The following ACE variants were observed in gnomAD, a reference collection of about 807,000 sequenced individuals.
ACE encodes the protein angiotensin-converting enzyme.
Under a neutral mutation model 162.3 loss-of-function variants are expected in ACE, and 122 were observed. The observed-to-expected ratio is 0.75, with a 90% CI of 0.65 to 0.87. ACE has a LOEUF of 0.87. ACE is among the 40% of genes least tolerant of loss of function. ACE has a pLI of 0.00. For missense variants in ACE, 1,799 were observed against 1,735.1 expected (o/e 1.04, Z -0.65); for synonymous variants, 796 against 720.6 (o/e 1.10, Z -1.68).
chr17:63,477,126 GGCTGCTGCTGCC>G lies in ACE; in HGVS notation c.38_49del (p.Leu13_Leu16del), dbSNP rs751352152. On this transcript the variant is annotated inframe_deletion, in exon 1 of 25. Coordinates refer to ENST00000290866, the MANE Select transcript of ACE (RefSeq NM_000789.4). Reference sequence around the variant, plus strand: ...GCCGCCTCGGGCCGCCGGGGGCCGGGGCTGCTGCTGCCGCTGCCGCTGCTGTTGCTGCTGCCG... The same window carrying G: ...GCCGCCTCGGGCCGCCGGGGGCCGGGGCTGCCGCTGCTGTTGCTGCTGCCG... The G allele has an allele frequency of 1.1e-5, 16 of 1,402,100 alleles. No homozygotes were observed. In the Middle Eastern group the frequency reaches 1.3e-3, roughly 112 times the overall value. The allele number at this position is 1,402,100 out of a possible 1,614,324, so 86.9% of individuals were successfully genotyped here.
At chr17:63,483,215 C>T (rs771984234) in intron 9 of ACE, 42 bp downstream of exon 9, 5 of 1,611,890 alleles carry the variant, frequency 3.1e-6, no homozygotes, top group Non-Finnish European at 4.2e-6. Context: ...AGCTAGCCCT[C>T]CCCAGCCTCC....
At chr17:63,479,936 G>A (rs781614756) in intron 4 of ACE, 24 bp downstream of exon 4, 1 of 1,597,108 alleles carries the variant, frequency 6.3e-7, no homozygotes, top group Non-Finnish European at 8.5e-7. Context: ...TCCCTGTCCA[G>A]GAACCACGCC....
intron 23 of ACE, 97 bp downstream of exon 23, chr17:63,496,613 C>G: frequency 6.2e-7 from 1 of 1,606,466 alleles, no homozygotes; most frequent in Non-Finnish European, 8.5e-7. Flanking sequence ...GAACACTTGC[C>G]ATTTTGAGCC....
At position 63,482,356 on chromosome 17, in the gene ACE, G is replaced by C. The variant is rs556460733; in HGVS notation, c.1119-110G>C. 5 of 963,060 alleles carry C rather than the reference G, an allele frequency of 5.2e-6. No homozygotes were observed. The African/African-American group carries it at 8.1e-5, about 16-fold the overall frequency. 59.7% of individuals were successfully genotyped at this position (963,060 alleles called of 1,614,324 possible). A position where few individuals can be genotyped will look rare whatever the true frequency, so the allele number is the denominator to read the frequency against. ...GTTTCTACTGCGGCTTCATGCCCCA[G>C]GGCAGCTCCCTCCTCATTCCTGTCT... is the stretch of plus-strand genomic sequence containing the variant. On this transcript the variant is annotated intron_variant, in intron 7 of 24. Coordinates refer to ENST00000290866, the MANE Select transcript of ACE (RefSeq NM_000789.4).
chr17:63,484,041 G>T lies in ACE; in HGVS notation c.1709+70G>T. On this transcript the variant is annotated intron_variant, in intron 11 of 24. Coordinates refer to ENST00000290866, the MANE Select transcript of ACE (RefSeq NM_000789.4). The surrounding 1 kb of genome is among the most constrained non-coding windows in gnomAD (Gnocchi z 4.0). ...GCTGGCAAAGGGTGTGGCAGGAGGTGTCTGGCTGCTCTGATGGGGTGGGGG... is the reference window on the plus strand; with the variant it reads ...GCTGGCAAAGGGTGTGGCAGGAGGTTTCTGGCTGCTCTGATGGGGTGGGGG... 6.5e-7 allele frequency: 1 copy of T among 1,545,874 alleles called. No homozygotes were observed. Among genetic ancestry groups the T allele is most frequent in the Non-Finnish European group, 8.7e-7 (1 of 1,148,942 alleles).
rs375631324 is a variant in ACE at position 63,483,123 on chromosome 17, T to C, written c.1437T>C (p.Phe479=). 15 of 1,614,134 alleles carry C rather than the reference T, an allele frequency of 9.3e-6. No individual in the cohort carries two copies. The highest frequency in any genetic ancestry group is 1.6e-4 in the Middle Eastern group (1 of 6,062). ...YLVDQWRWGV[F]SGRTPPSRYN... is the part of the protein sequence containing the mutation. ...TGGACCAGTGGCGCTGGGGGGTCTT[T>C]AGTGGGCGTACCCCCCCTTCCCGCT... Residue 479 remains phenylalanine (F), a synonymous_variant, in exon 9 of 25, where the codon TTT becomes TTC. Coordinates refer to ENST00000290866, the MANE Select transcript of ACE (RefSeq NM_000789.4).
chr17:63,494,022 A>G lies in ACE; in HGVS notation c.3237A>G (p.Gly1079=). 6.2e-7 allele frequency: 1 copy of G among 1,614,098 alleles called. No individual in the cohort carries two copies. The highest frequency in any genetic ancestry group is 1.1e-5 in the South Asian group (1 of 91,078). The stretch of plus-strand genomic sequence containing the variant: ...AGTGGCGCTGGAGGGTATTTGATGG[A>G]AGCATCACCAAGGAGAACTATAACC... ...VDQWRWRVFD[G]SITKENYNQE... The change falls in exon 21 of 25, where the codon GGA becomes GGG. Residue 1079 remains glycine, a synonymous_variant. Coordinates refer to ENST00000290866, the MANE Select transcript of ACE (RefSeq NM_000789.4).
At position 63,493,519 on chromosome 17, in the gene ACE, A is replaced by G. The variant is rs1325658187; in HGVS notation, c.2996A>G (p.Tyr999Cys). The change falls in exon 20 of 25, where the codon TAC (tyrosine) becomes TGC (cysteine). Residue 999 changes from tyrosine (Y) to cysteine (C), a missense_variant. Coordinates refer to ENST00000290866, the MANE Select transcript of ACE (RefSeq NM_000789.4). ...EMGHIQYFMQ[Y>C]KDLPVALREG... ...GGCCACATCCAGTATTTCATGCAGT[A>G]CAAAGACTTACCTGTGGCCTTGAGG... The G allele has an allele frequency of 3.1e-6, 5 of 1,613,962 alleles. No homozygotes were observed. The highest frequency in any genetic ancestry group is 4.2e-6 in the Non-Finnish European group (5 of 1,180,022).
chr17:63,484,730 C>T lies in ACE; in HGVS notation c.1921+189C>T. 6.9e-7 allele frequency: 1 copy of T among 1,456,866 alleles called. No homozygotes were observed. Among genetic ancestry groups the T allele is most frequent in the Non-Finnish European group, 9.0e-7 (1 of 1,108,692 alleles). The allele number at this position is 1,456,866 out of a possible 1,614,324, so 90.2% of individuals were successfully genotyped here. The stretch of plus-strand genomic sequence containing the variant: ...ACAGGCATGTCTTTCCCCCAGCATC[C>T]TAGAGAGGGTGTGCTCAGACCTGAG... On this transcript the variant is annotated intron_variant, in intron 12 of 24. Coordinates refer to ENST00000290866, the MANE Select transcript of ACE (RefSeq NM_000789.4). The surrounding 1 kb of genome is among the most constrained non-coding windows in gnomAD (Gnocchi z 4.0).
At chr17:63,483,684 G>T in intron 10 of ACE, 126 bp downstream of exon 10, 1 of 1,407,224 alleles carries the variant, frequency 7.1e-7, no homozygotes, top group Non-Finnish European at 1.0e-6. Context: ...CAAAGGCCTG[G>T]AGTTAGAGTG....
At chr17:63,480,814 C>T (rs1426166839) in intron 5 of ACE, among the ~76,000 whole-genome samples, 2 of 152,220 alleles carry the variant, frequency 1.3e-5, no homozygotes, top group Admixed American at 6.5e-5. Context: ...TAGCTCATGC[C>T]CAAGGAAACA....
chr17:63,481,247 G>A, intron 6 of ACE, 59 bp downstream of exon 6: 1 of 1,501,890 alleles, frequency 6.7e-7, no homozygotes, highest in East Asian at 2.3e-5. Flanking sequence ...CAAAAAAAGG[G>A]AGTCACAGAT....
At position 63,484,477 on chromosome 17, in the gene ACE, G is replaced by A. The variant is rs948029758; in HGVS notation, c.1857G>A (p.Glu619=). The A allele has an allele frequency of 3.7e-6, 6 of 1,611,364 alleles. No individual in the cohort carries two copies. The highest frequency in any genetic ancestry group is 5.1e-6 in the Non-Finnish European group (6 of 1,179,684). Residue 619 remains glutamate (E), a synonymous_variant, in exon 12 of 25, where the codon GAG becomes GAA. Coordinates refer to ENST00000290866, the MANE Select transcript of ACE (RefSeq NM_000789.4). The surrounding 1 kb of genome is among the most constrained non-coding windows in gnomAD (Gnocchi z 4.0). The stretch of plus-strand genomic sequence containing the variant: ...AGGAGCAGAACCAGCAGAACGGCGA[G>A]GTCCTGGGCTGGCCCGAGTACCAGT... ...WLQEQNQQNG[E]VLGWPEYQWH...
Position 63,486,708 on chromosome 17 carries a change from T to A in ACE, c.2210T>A (p.Leu737Gln), listed in dbSNP as rs757100327. ...CGGGCAGCACTGCCTGCCCAGGAGC[T>A]GGAGGAGGTGTGTGGCTCGCAAGGT... ...LERAALPAQE[L>Q]EEYNKILLDM... Residue 737 changes from leucine (L) to glutamine (Q), a missense_variant, in exon 14 of 25, where the codon CTG (leucine) becomes CAG (glutamine). Coordinates refer to ENST00000290866, the MANE Select transcript of ACE (RefSeq NM_000789.4). The A allele has an allele frequency of 6.2e-7, 1 of 1,614,064 alleles. No individual in the cohort carries two copies. Among genetic ancestry groups the A allele is most frequent in the Non-Finnish European group, 8.5e-7 (1 of 1,180,028 alleles).
In ACE at chr17:63,479,944, G is replaced by A. The variant is rs183190490; in HGVS notation, c.655+32G>A. The A allele has an allele frequency of 3.6e-4, 575 of 1,590,070 alleles. 7 individuals carry two copies. The East Asian group carries it at 7.4e-3, about 20-fold the overall frequency. ...AGGCCTCTCCCTGTCCAGGAACCAC[G>A]CCAGGTGTCCTCTCTCAGCTGTCTC... On this transcript the variant is annotated intron_variant, in intron 4 of 24. Coordinates refer to ENST00000290866, the MANE Select transcript of ACE (RefSeq NM_000789.4).
At position 63,490,938 on chromosome 17, in the gene ACE, C is replaced by T; in HGVS notation, c.2642-16C>T. 1 of 1,613,606 alleles carries T rather than the reference C, an allele frequency of 6.2e-7. No homozygotes were observed. Among genetic ancestry groups the T allele is most frequent in the African/African-American group, 1.3e-5 (1 of 75,040 alleles). On this transcript the variant is annotated splice_polypyrimidine_tract_variant and intron_variant, in intron 17 of 24. Coordinates refer to ENST00000290866, the MANE Select transcript of ACE (RefSeq NM_000789.4). ...TTGTCTTTCCTCTCTCTGCCGTCCC[C>T]CACACTCGCCTCCAGGGAACATGTG...
chr17:63,481,061 G>A, intron 5 of ACE, 30 bp from the exon 6 acceptor site: 2 of 1,605,256 alleles, frequency 1.2e-6, no homozygotes, highest in South Asian at 1.1e-5. Flanking sequence ...CAGGCAGGGA[G>A]CCAAGCTGTC....
At chr17:63,483,345 C>G in intron 9 of ACE, 115 bp from the exon 10 acceptor site, 1 of 1,468,072 alleles carries the variant, frequency 6.8e-7, no homozygotes, top group Non-Finnish European at 9.5e-7. Flanking sequence ...AGGAAGTCTT[C>G]CCCAGTTCCT....
rs551801825 is a variant in ACE at position 63,483,854 on chromosome 17, T to G, written c.1592T>G (p.Phe531Cys). The stretch of plus-strand genomic sequence containing the variant: ...CTCCCACCCTGTGCCTGCAGGTACT[T>G]TGTGAGTTTTGTCCTGCAGTTCCAG... ...VPNVTPYIRY[F>C]VSFVLQFQFH... Residue 531 changes from phenylalanine (F) to cysteine (C), a missense_variant, in exon 11 of 25, where the codon TTT becomes TGT. Phe to Cys is a radical substitution (Grantham distance 205). Transcript: ENST00000290866. The G allele has an allele frequency of 1.2e-6, 2 of 1,613,958 alleles. No individual in the cohort carries two copies. Among genetic ancestry groups the G allele is most frequent in the South Asian group, 2.2e-5 (2 of 91,062 alleles).
Sources: allele counts gnomAD v4.1 joint callset (sites outside exome capture counted in the v4.1 genomes callset), GRCh38; gene constraint gnomAD v4.1.1; non-coding constraint Gnocchi (gnomAD v3.1); transcripts MANE v1.5; gene names NCBI Gene and HGNC (gene_info 2026-07-23, HGNC 2026-07-21).